Variants in CYTIP observed in about 807,000 individuals in gnomAD.
CYTIP encodes the protein cytohesin 1 interacting protein, also known as cytohesin-interacting protein.
A neutral mutation model predicts 43.8 loss-of-function variants in CYTIP; 26 were observed. That is an observed-to-expected ratio of 0.59 (90% CI 0.44 to 0.82). The LOEUF is 0.82. Among genes scored for constraint, CYTIP ranks in the 40% least tolerant of loss-of-function variants. The pLI is 0.00. For synonymous variants in CYTIP, 162 were observed against 162.9 expected, an observed-to-expected ratio of 0.99 and a Z score of 0.04; for missense variants, 426 against 443.1, an observed-to-expected ratio of 0.96 and a Z score of 0.35.
Position 157,434,743 on chromosome 2 carries a change from G to C in CYTIP, c.179C>G (p.Ala60Gly), listed in dbSNP as rs1365621797. 6.2e-7 allele frequency: 1 copy of C among 1,610,446 alleles called. No individual in the cohort carries two copies. Among genetic ancestry groups the C allele is most frequent in the East Asian group, 2.2e-5 (1 of 44,784 alleles). Residue 60 changes from alanine to glycine, a missense_variant, in exon 2 of 8, where the codon GCT (alanine) becomes GGT (glycine). Coordinates refer to ENST00000264192, the MANE Select transcript of CYTIP (RefSeq NM_004288.5). Reference protein sequence around the residue: ...ATLPRGRKQLALTRSSSLSDF... With the variant: ...ATLPRGRKQLGLTRSSSLSDF... ...ACTTAAAGAACTTGATCTGGTCAAA[G>C]CAAGCTGAAAAACACAAAAGACATA...
chr2:157,428,248 T>C (rs1396842470), intron 5 of CYTIP, among the ~76,000 whole-genome samples: 1 of 152,224 alleles, frequency 6.6e-6, no homozygotes, highest in Non-Finnish European at 1.5e-5. Context: ...ACACACCAAT[T>C]TTTAAAGTGT....
At chr2:157,441,891 A>G (rs73024633) in intron 1 of CYTIP, among the ~76,000 whole-genome samples, 1,973 of 152,236 alleles carry the variant, frequency 0.013, 50 homozygotes, top group African/African-American at 0.044. Context: ...CATTTCTACA[A>G]TAAGGTTCCT....
chr2:157,427,463 G>C, intron 5 of CYTIP, 43 bp from the exon 6 acceptor site: 1 of 1,425,252 alleles, frequency 7.0e-7, no homozygotes, highest in East Asian at 2.3e-5. Context: ...TGGGGAGTGA[G>C]TAACATGAGT....
rs1363760086 is a variant in CYTIP, at chr2:157,430,613, CCTT to C, written c.419_421del (p.Glu140del). 5 of 1,614,034 alleles carry C rather than the reference CCTT, an allele frequency of 3.1e-6. No individual in the cohort carries two copies. In the Admixed American group the frequency reaches 6.7e-5, roughly 22 times the overall value. On this transcript the variant is annotated inframe_deletion, in exon 5 of 8. Coordinates refer to ENST00000264192, the MANE Select transcript of CYTIP (RefSeq NM_004288.5). ...GTCAACGACTTGTTTGTAGGTAAAA[CCTT>C]CTGTGCTCACACCATTGATATTTGC...
chr2:157,437,698 C>CAAAAAAAAAAAAGAAAAA (rs137924124), intron 1 of CYTIP, among the ~76,000 whole-genome samples: 1 of 118,424 alleles, frequency 8.4e-6, no homozygotes, highest in Admixed American at 8.9e-5. Flanking sequence ...GACTCCATCT[C>CAAAAAAAAAAAAGAAAAA]AAAAAAAAAA....
At chr2:157,426,230 A>T (rs1392448549) in intron 6 of CYTIP, among the ~76,000 whole-genome samples, 1 of 152,212 alleles carries the variant, frequency 6.6e-6, no homozygotes, top group African/African-American at 2.4e-5. Context: ...AGTCCATAAA[A>T]GATCTGAATA....
intron 3 of CYTIP, among the ~76,000 whole-genome samples, chr2:157,431,293 G>A (rs991248484): frequency 2.6e-5 from 4 of 152,092 alleles, no homozygotes; most frequent in Admixed American, 6.5e-5. Flanking sequence ...ATAAAACAAC[G>A]ATGGCCAAGT....
Position 157,434,403 on chromosome 2 carries a change from C to T in CYTIP, c.246G>A (p.Lys82=). The T allele has an allele frequency of 6.2e-7, 1 of 1,612,862 alleles. No homozygotes were observed. The highest frequency in any genetic ancestry group is 8.5e-7 in the Non-Finnish European group (1 of 1,179,320). Reference sequence around the variant, plus strand: ...CAAATCCAAATGTTTCATTATCCTGCTTCTCCACAGTAACAAGCTTTCTGT... The same window carrying T: ...CAAATCCAAATGTTTCATTATCCTGTTTCTCCACAGTAACAAGCTTTCTGT... ...WSQRKLVTVE[K]QDNETFGFEI... The change falls in exon 3 of 8, where the codon AAG becomes AAA. Residue 82 remains lysine, a synonymous_variant. Coordinates refer to ENST00000264192, the MANE Select transcript of CYTIP (RefSeq NM_004288.5).
intron 6 of CYTIP, among the ~76,000 whole-genome samples, chr2:157,421,211 A>C (rs971406395): frequency 6.6e-6 from 1 of 152,254 alleles, no homozygotes; most frequent in Non-Finnish European, 1.5e-5. Context: ...GAACTAAAGC[A>C]CAAGTGAGAT....
chr2:157,429,716 A>G (rs986481296), intron 5 of CYTIP, among the ~76,000 whole-genome samples: 1 of 152,162 alleles, frequency 6.6e-6, no homozygotes, highest in Admixed American at 6.5e-5. Context: ...TAATTGGGAA[A>G]GCCAGTGTTC....
chr2:157,429,298 A>G (rs890995470), intron 5 of CYTIP, among the ~76,000 whole-genome samples: 1 of 152,088 alleles, frequency 6.6e-6, no homozygotes, highest in Non-Finnish European at 1.5e-5. Context: ...CTTTGCCTGA[A>G]GTGCTCTTAC....
intron 3 of CYTIP, 92 bp from the exon 4 acceptor site, chr2:157,431,054 T>G (rs1355646518): frequency 1.0e-6 from 1 of 997,986 alleles, no homozygotes; most frequent in African/African-American, 1.6e-5. Context: ...CATTAAGCAG[T>G]ATAATAGGTA....
At chr2:157,425,563 A>G (rs1218776321) in intron 6 of CYTIP, among the ~76,000 whole-genome samples, 1 of 152,164 alleles carries the variant, frequency 6.6e-6, no homozygotes, top group Non-Finnish European at 1.5e-5. Flanking sequence ...AAATTCATAC[A>G]TTGGTAAGTA....
chr2:157,440,919 G>A (rs887595293), intron 1 of CYTIP, among the ~76,000 whole-genome samples: 3 of 151,810 alleles, frequency 2.0e-5, no homozygotes, highest in South Asian at 2.1e-4. Flanking sequence ...CCTTCCTACC[G>A]AGCTTTCCAT....
intron 6 of CYTIP, among the ~76,000 whole-genome samples, chr2:157,422,406 AC>A (rs1685535111): frequency 6.6e-6 from 1 of 152,182 alleles, no homozygotes; most frequent in African/African-American, 2.4e-5. Context: ...GGTGACTCAC[AC>A]CTGTAATCCC....
intron 4 of CYTIP, 53 bp downstream of exon 4, chr2:157,430,807 T>C (rs1389941976): frequency 1.3e-6 from 2 of 1,534,182 alleles, no homozygotes; most frequent in Non-Finnish European, 1.8e-6. Flanking sequence ...CTCAAAACAT[T>C]TTATTTTCTT....
intron 2 of CYTIP, 107 bp downstream of exon 2, chr2:157,434,591 T>C (rs1397989357): frequency 2.6e-6 from 2 of 779,200 alleles, no homozygotes; most frequent in East Asian, 2.8e-5. Flanking sequence ...TCTGTGTGTG[T>C]GCGTAGAGAG....
intron 6 of CYTIP, among the ~76,000 whole-genome samples, chr2:157,421,092 G>C (rs1438731083): frequency 1.3e-5 from 2 of 152,108 alleles, no homozygotes; most frequent in African/African-American, 4.8e-5. Context: ...AGTGACTAAG[G>C]GTTTTTCAAC....
At chr2:157,429,977 C>T (rs899929415) in intron 5 of CYTIP, among the ~76,000 whole-genome samples, 2 of 149,250 alleles carry the variant, frequency 1.3e-5, no homozygotes, top group Non-Finnish European at 3.0e-5. Flanking sequence ...GAGCCAAGAT[C>T]GCGCCACTGC....
Sources: gnomAD v4.1 joint callset for allele counts (sites outside exome capture counted in the v4.1 genomes callset) on GRCh38, gnomAD v4.1.1 for gene constraint, MANE v1.5 for transcripts, NCBI Gene and HGNC (gene_info 2026-07-23, HGNC 2026-07-21) for gene names.